Variants in GJC1 observed in about 807,000 individuals in gnomAD.
GJC1 encodes the protein gap junction gamma-1 protein.
Under a neutral mutation model 29.3 loss-of-function variants are expected in GJC1, and 5 were observed. That is an observed-to-expected ratio of 0.17 (90% CI 0.09 to 0.36). GJC1 has a LOEUF of 0.36. GJC1 is among the 10% of genes least tolerant of loss of function. The pLI is 1.00. For missense variants in GJC1, 310 were observed against 496.2 expected (o/e 0.62, Z 3.56); for synonymous variants, 177 against 183.3 (o/e 0.97, Z 0.28).
At chr17:44,821,690 T>C (rs1256504028) in intron 1 of GJC1, among the ~76,000 whole-genome samples, 12 of 62,538 alleles carry the variant, frequency 1.9e-4, no homozygotes, top group Admixed American at 5.6e-4. Context: ...AGAGGGAAAC[T>C]CCGTCTCAAA....
In GJC1 at chr17:44,805,508, G is replaced by A. The variant is rs1455121918; in HGVS notation, c.310C>T (p.His104Tyr). ...YAIHKIAKME[H>Y]GEADKKAARS... ...GCTGCCTTCTTGTCTGCTTCACCGT[G>A]CTCCATTTTGGCAATCTTGTGGATA... Residue 104 changes from histidine to tyrosine, a missense_variant, in exon 3 of 3, where the codon CAC (histidine) becomes TAC (tyrosine). By Grantham distance (83) the His-to-Tyr change is moderately conservative. Coordinates refer to ENST00000592524, the MANE Select transcript of GJC1 (RefSeq NM_005497.4). The surrounding 1 kb of genome is among the most constrained non-coding windows in gnomAD (Gnocchi z 5.1). 6.2e-7 allele frequency: 1 copy of A among 1,614,162 alleles called. No individual in the cohort carries two copies. Among genetic ancestry groups the A allele is most frequent in the Admixed American group, 1.7e-5 (1 of 60,012 alleles).
At chr17:44,824,155 G>A (rs975621701) in intron 1 of GJC1, among the ~76,000 whole-genome samples, 7 of 151,574 alleles carry the variant, frequency 4.6e-5, no homozygotes, top group African/African-American at 1.7e-4. Flanking sequence ...TTACAGGCGC[G>A]CGCCACCATG....
intron 1 of GJC1, among the ~76,000 whole-genome samples, chr17:44,820,059 G>A (rs966220340): frequency 3.3e-5 from 5 of 152,060 alleles, no homozygotes; most frequent in Non-Finnish European, 5.9e-5. Flanking sequence ...TCCAGAAGTG[G>A]AATTGCTCTA....
chr17:44,817,017 C>A (rs1031179970), intron 1 of GJC1, among the ~76,000 whole-genome samples: 3 of 151,382 alleles, frequency 2.0e-5, no homozygotes, highest in Admixed American at 6.6e-5. Flanking sequence ...TCGAGACCAG[C>A]CTGACCAAGA....
chr17:44,814,019 T>C (rs1001319012), intron 1 of GJC1, among the ~76,000 whole-genome samples: 1 of 152,148 alleles, frequency 6.6e-6, no homozygotes, highest in South Asian at 2.1e-4. Flanking sequence ...TTTCAAGAAG[T>C]AGAATGAGTA....
At chr17:44,830,475 G>A (rs1257827640), upstream of GJC1, among the ~76,000 whole-genome samples, 3 of 152,160 alleles carry the variant, frequency 2.0e-5, no homozygotes, top group East Asian at 5.8e-4. This position sits in a 1 kb window ranked among gnomAD's most constrained non-coding sequence, Gnocchi z 4.3. Flanking sequence ...CGGCGGAGGC[G>A]CGGCGCGCGT....
downstream of GJC1, among the ~76,000 whole-genome samples, chr17:44,795,579 C>T (rs1024581775): frequency 6.6e-6 from 1 of 152,200 alleles, no homozygotes; most frequent in Non-Finnish European, 1.5e-5. Flanking sequence ...TCCCTTGTCC[C>T]CTTGCAGGGT....
chr17:44,816,135 A>AAG (rs1253984356), intron 1 of GJC1, among the ~76,000 whole-genome samples: 1 of 149,098 alleles, frequency 6.7e-6, no homozygotes, highest in East Asian at 1.9e-4. Context: ...AAAAAAAAAA[A>AAG]AAAGTTGCTT....
chr17:44,817,375 C>A (rs946868560), intron 1 of GJC1, among the ~76,000 whole-genome samples: 5 of 151,488 alleles, frequency 3.3e-5, no homozygotes, highest in African/African-American at 4.9e-5. Flanking sequence ...TGTACAGGTT[C>A]TATGTGACCC....
chr17:44,822,007 C>T (rs2050113920), intron 1 of GJC1, among the ~76,000 whole-genome samples: 1 of 151,324 alleles, frequency 6.6e-6, no homozygotes, highest in Admixed American at 6.6e-5. Context: ...ACCATCCTGG[C>T]TAACACTGTG....
Position 44,830,240 on chromosome 17 carries a change from G to GCCGCCGCCGCCGCCTCCCGCTC in GJC1, c.-297_-276dup, listed in dbSNP as rs903643333. On this transcript the variant is annotated 5_prime_UTR_variant, in exon 1 of 3. Transcript: ENST00000592524. This position sits in a 1 kb window ranked among gnomAD's most constrained non-coding sequence, Gnocchi z 4.3. The stretch of plus-strand genomic sequence containing the variant: ...GGCAGAAGCCGCTCCCGCCGCTGCC[G>GCCGCCGCCGCCGCCTCCCGCTC]CCGCCGCCGCCGCCTCCCGCTCCCG... 5.0e-5 allele frequency: 8 copies of GCCGCCGCCGCCGCCTCCCGCTC among 160,098 alleles called. No homozygotes were observed. Among genetic ancestry groups the GCCGCCGCCGCCGCCTCCCGCTC allele is most frequent in the South Asian group, 1.7e-4 (1 of 5,800 alleles). The allele number at this position is 160,098 out of a possible 1,614,324, so 9.9% of individuals were successfully genotyped here.
Position 44,804,926 on chromosome 17 carries a change from G to C in GJC1, c.892C>G (p.Gln298Glu). ...TTGGACAGTTCGGTGTACTGGATTT[G>C]ATCTGGTTTGACAGCAATGTTATAG... is the stretch of plus-strand genomic sequence containing the variant. ...PGYNIAVKPD[Q>E]IQYTELSNAK... is the part of the protein sequence containing the mutation. The change falls in exon 3 of 3, where the codon CAA (glutamine) becomes GAA (glutamate). Residue 298 changes from glutamine to glutamate, a missense_variant. By Grantham distance (29) the Gln-to-Glu change is conservative. Around this residue, in one of 4 missense-constraint regions of GJC1, gnomAD observed 146 missense variants for 165.0 expected, o/e 0.88. Coordinates refer to ENST00000592524, the MANE Select transcript of GJC1 (RefSeq NM_005497.4). 19 of 1,614,162 alleles carry C rather than the reference G, an allele frequency of 1.2e-5. No homozygotes were observed. Among genetic ancestry groups the C allele is most frequent in the Non-Finnish European group, 1.6e-5 (19 of 1,180,030 alleles).
chr17:44,804,590 T>C lies in GJC1; in HGVS notation c.*37A>G, dbSNP rs745830109. On this transcript the variant is annotated 3_prime_UTR_variant, in exon 3 of 3. Coordinates refer to ENST00000592524, the MANE Select transcript of GJC1 (RefSeq NM_005497.4). The stretch of plus-strand genomic sequence containing the variant: ...TTATTCAGTGAGCTGCTGCTTACCA[T>C]AAACTATGAAAAGCACAGGTTTTAA... 1 of 1,471,200 alleles carries C rather than the reference T, an allele frequency of 6.8e-7. No individual in the cohort carries two copies. The highest frequency in any genetic ancestry group is 1.4e-5 in the African/African-American group (1 of 71,954). 91.1% of individuals were successfully genotyped at this position (1,471,200 alleles called of 1,614,324 possible). A position where few individuals can be genotyped will look rare whatever the true frequency, so the allele number is the denominator to read the frequency against.
intron 1 of GJC1, among the ~76,000 whole-genome samples, chr17:44,819,468 C>G (rs1057409894): frequency 6.6e-6 from 1 of 151,958 alleles, no homozygotes; most frequent in Non-Finnish European, 1.5e-5. Context: ...ACCATCCTGG[C>G]TAACACTGTG....
chr17:44,816,664 C>A (rs1346662329), intron 1 of GJC1, among the ~76,000 whole-genome samples: 1 of 151,880 alleles, frequency 6.6e-6, no homozygotes, highest in Admixed American at 6.6e-5. Flanking sequence ...CGCCACCAGG[C>A]CTGGCTAATT....
At position 44,805,415 on chromosome 17, in the gene GJC1, C is replaced by T. The variant is rs533809091; in HGVS notation, c.403G>A (p.Glu135Lys). ...RALEETEEDN[E>K]EDPMMYPEME... ...TCTGGATACATCATAGGATCCTCTTCGTTGTCCTCCTCCGTTTCTTCCAGA... is the reference window on the plus strand; with the variant it reads ...TCTGGATACATCATAGGATCCTCTTTGTTGTCCTCCTCCGTTTCTTCCAGA... The change falls in exon 3 of 3, where the codon GAA becomes AAA. Residue 135 changes from glutamate (E) to lysine (K), a missense_variant. Physicochemically the swap from Glu to Lys is moderately conservative, Grantham distance 56. Transcript: ENST00000592524. This position sits in a 1 kb window ranked among gnomAD's most constrained non-coding sequence, Gnocchi z 5.1. 13 of 1,614,180 alleles carry T rather than the reference C, an allele frequency of 8.1e-6. No homozygotes were observed. Among genetic ancestry groups the T allele is most frequent in the African/African-American group, 1.3e-5 (1 of 75,042 alleles).
intron 1 of GJC1, among the ~76,000 whole-genome samples, chr17:44,826,696 G>A (rs2050180764): frequency 6.6e-6 from 1 of 152,124 alleles, no homozygotes; most frequent in Non-Finnish European, 1.5e-5. Flanking sequence ...ATGTATAACT[G>A]TATGCCAGCC....
chr17:44,813,091 A>C (rs1213473083), intron 1 of GJC1: 1 of 150,222 alleles, frequency 6.7e-6, no homozygotes, highest in Non-Finnish European at 1.5e-5. Context: ...TTTTTCTTTG[A>C]GACAAGAGTC....
chr17:44,829,341 T>C (rs1383344307), intron 1 of GJC1, among the ~76,000 whole-genome samples: 2 of 152,050 alleles, frequency 1.3e-5, no homozygotes, highest in Non-Finnish European at 2.9e-5. Flanking sequence ...CGGTAGCGCC[T>C]ACTCTTAATT....
Sources: gnomAD v4.1 joint callset for allele counts (sites outside exome capture counted in the v4.1 genomes callset) on GRCh38, gnomAD v4.1.1 for gene constraint, gnomAD v4.1.1 regional missense constraint, Gnocchi (gnomAD v3.1) non-coding constraint, MANE v1.5 for transcripts, NCBI Gene and HGNC (gene_info 2026-07-23, HGNC 2026-07-21) for gene names.